Variants in PPDPFL observed in about 807,000 individuals in gnomAD.
The protein encoded by PPDPFL is pancreatic progenitor cell differentiation and proliferation factor like.
Under a neutral mutation model 12.6 loss-of-function variants are expected in PPDPFL, and 12 were observed. The observed-to-expected ratio is 0.95, with a 90% confidence interval of 0.61 to 1.54. The LOEUF (loss-of-function observed/expected upper bound fraction) is 1.54. Ranked by LOEUF, PPDPFL falls within the 40% of genes most tolerant of loss-of-function variation. The pLI is 0.00. For missense variants in PPDPFL, 114 were observed against 96.0 expected (o/e 1.19, Z -0.78); for synonymous variants, 24 against 32.7 (o/e 0.73, Z 0.91).
At chr8:49,059,928 C>T (rs185406287) in intron 1 of PPDPFL, among the ~76,000 whole-genome samples, 1 of 152,144 alleles carries the variant, frequency 6.6e-6, no homozygotes, top group Admixed American at 6.5e-5. Context: ...ATATATTGCC[C>T]TCCCTGGAGT....
upstream of PPDPFL, among the ~76,000 whole-genome samples, chr8:49,068,415 A>G (rs1808332250): frequency 6.6e-6 from 1 of 152,160 alleles, no homozygotes; most frequent in Non-Finnish European, 1.5e-5. Context: ...CTGCAAACTG[A>G]CAGCCAAAAC....
chr8:49,064,455 G>A (rs1278901175), intron 1 of PPDPFL, among the ~76,000 whole-genome samples: 1 of 151,984 alleles, frequency 6.6e-6, no homozygotes, highest in Non-Finnish European at 1.5e-5. Flanking sequence ...ACCAATCTGA[G>A]CCCCTGAGGA....
upstream of PPDPFL, among the ~76,000 whole-genome samples, chr8:49,069,001 T>A (rs894191850): frequency 2.0e-5 from 3 of 152,114 alleles, no homozygotes; most frequent in African/African-American, 7.2e-5. Context: ...AACAGCAAGT[T>A]GAAAATTAAG....
At position 49,056,575 on chromosome 8, in the gene PPDPFL, A is replaced by T. The variant is rs562372287; in HGVS notation, c.-45+2206A>T. ...CCTGGTGTGTAGTATACATACACAA[A>T]AAGTCTTTGAATGAATCAATGGATT... On this transcript the variant is annotated intron_variant, in intron 1 of 4. Coordinates refer to the PPDPFL transcript ENST00000517663. Among the ~76,000 whole-genome samples the T allele has an allele frequency of 2.0e-5, 3 of 152,340 alleles. No individual in the cohort carries two copies. The East Asian group carries it at 5.8e-4, about 29-fold the overall frequency.
chr8:49,071,072 T>A (rs1363830328), upstream of PPDPFL, among the ~76,000 whole-genome samples: 1 of 152,212 alleles, frequency 6.6e-6, no homozygotes, highest in Non-Finnish European at 1.5e-5. Flanking sequence ...TCTTCTGTTG[T>A]CTGTTTCAGT....
At chr8:49,068,533 A>G (rs972562579), upstream of PPDPFL, among the ~76,000 whole-genome samples, 6 of 152,254 alleles carry the variant, frequency 3.9e-5, no homozygotes, top group Non-Finnish European at 8.8e-5. Context: ...AAGACTTCAC[A>G]GTAATCATGT....
chr8:49,066,140 T>C (rs1291016369), intron 1 of PPDPFL, among the ~76,000 whole-genome samples: 2 of 152,194 alleles, frequency 1.3e-5, no homozygotes, highest in East Asian at 1.9e-4. Context: ...CCCCGACATA[T>C]TCCCTGTTGC....
chr8:49,060,305 T>TTTTG (rs911376388), intron 1 of PPDPFL, among the ~76,000 whole-genome samples: 5 of 152,202 alleles, frequency 3.3e-5, no homozygotes, highest in East Asian at 1.9e-4. Context: ...CATCTCTGTT[T>TTTTG]TTTGTTTGTT....
At chr8:49,073,415 T>A (rs954940727) in intron 2 of PPDPFL, among the ~76,000 whole-genome samples, 1 of 152,180 alleles carries the variant, frequency 6.6e-6, no homozygotes, top group African/African-American at 2.4e-5. Flanking sequence ...AAATAAGCAT[T>A]TCAGAACCAA....
chr8:49,063,599 A>C (rs1423351075), intron 1 of PPDPFL, among the ~76,000 whole-genome samples: 1 of 152,046 alleles, frequency 6.6e-6, no homozygotes, highest in Non-Finnish European at 1.5e-5. Context: ...GTGCACCTGT[A>C]GTCCCCTACT....
At chr8:49,074,767 T>C in intron 4 of PPDPFL, 2 of 1,436,468 alleles carry the variant, frequency 1.4e-6, no homozygotes, top group Non-Finnish European at 9.1e-7. Flanking sequence ...GAATTGGGAG[T>C]TTGTGTGCAG....
Position 49,074,331 on chromosome 8 carries a change from T to C in PPDPFL, c.231T>C (p.Thr77=). The change falls in exon 4 of 5, where the codon ACT becomes ACC. Residue 77 remains threonine, a splice_region_variant and synonymous_variant. Coordinates refer to ENST00000522267, the MANE Select transcript of PPDPFL (RefSeq NM_001256597.2). ...SNVRIKDLSA[T]GLQMSTL Reference sequence around the variant, plus strand: ...TGAGAATAAAAGATCTGTCTGCTACTGGGTGAGTTTTAGCCTTCTCTGGTA... The same window carrying C: ...TGAGAATAAAAGATCTGTCTGCTACCGGGTGAGTTTTAGCCTTCTCTGGTA... The C allele has an allele frequency of 6.2e-7, 1 of 1,613,634 alleles. No homozygotes were observed. The highest frequency in any genetic ancestry group is 8.5e-7 in the Non-Finnish European group (1 of 1,179,520).
At chr8:49,074,647 C>A in intron 4 of PPDPFL, 1 of 1,525,572 alleles carries the variant, frequency 6.6e-7, no homozygotes, top group Non-Finnish European at 8.8e-7. Context: ...TTGTTTTGCT[C>A]ATACCTTCAG....
intron 1 of PPDPFL, among the ~76,000 whole-genome samples, chr8:49,061,727 G>T (rs1412759094): frequency 6.6e-6 from 1 of 152,162 alleles, no homozygotes; most frequent in Non-Finnish European, 1.5e-5. Context: ...TTGGCAGCAG[G>T]TAAAGGGACT....
chr8:49,075,587 CTT>C lies in PPDPFL; in HGVS notation c.*415_*416del. The C allele has an allele frequency of 3.2e-6, 1 of 311,260 alleles. No individual in the cohort carries two copies. Among genetic ancestry groups the C allele is most frequent in the Non-Finnish European group, 6.0e-6 (1 of 167,470 alleles). The allele number at this position is 311,260 out of a possible 1,614,324, so 19.3% of individuals were successfully genotyped here. A position where few individuals can be genotyped will look rare whatever the true frequency, so the allele number is the denominator to read the frequency against. ...TTTTATATCATTTTTATTAAAAAAA[CTT>C]AAGTTAGACTCTTTTTCTGTCTGTT... On this transcript the variant is annotated 3_prime_UTR_variant, in exon 5 of 5. Transcript: ENST00000522267.
intron 1 of PPDPFL, among the ~76,000 whole-genome samples, chr8:49,064,891 A>T (rs1808270381): frequency 6.6e-6 from 1 of 152,250 alleles, no homozygotes; most frequent in African/African-American, 2.4e-5. Context: ...TCAAAATTTA[A>T]ACAAAAAGAA....
At chr8:49,058,457 A>C (rs1157029116) in intron 1 of PPDPFL, among the ~76,000 whole-genome samples, 1 of 152,226 alleles carries the variant, frequency 6.6e-6, no homozygotes, top group African/African-American at 2.4e-5. Context: ...CCATCTTGGA[A>C]ACCAAAAATT....
chr8:49,059,578 A>T (rs1475143332), intron 1 of PPDPFL, among the ~76,000 whole-genome samples: 2 of 152,158 alleles, frequency 1.3e-5, no homozygotes, highest in Non-Finnish European at 2.9e-5. Flanking sequence ...AAGCAAAACT[A>T]TTGTTATGCA....
intron 2 of PPDPFL, among the ~76,000 whole-genome samples, 170 bp downstream of exon 2, chr8:49,073,055 G>A (rs1438195456): frequency 6.6e-6 from 1 of 152,220 alleles, no homozygotes; most frequent in Non-Finnish European, 1.5e-5. Flanking sequence ...AGTGCTGACA[G>A]GCACTTCTTT....
Sources: allele counts gnomAD v4.1 joint callset (sites outside exome capture counted in the v4.1 genomes callset), GRCh38; gene constraint gnomAD v4.1.1; transcripts MANE v1.5; gene names NCBI Gene and HGNC (gene_info 2026-07-23, HGNC 2026-07-21).